MEMO1: variants seen among roughly 807,000 people sequenced by gnomAD.
MEMO1 encodes the protein protein MEMO1.
MEMO1 carries 6 observed loss-of-function variants against 45.2 expected under a neutral mutation model. That is an observed-to-expected ratio of 0.13 (90% CI 0.07 to 0.26). The LOEUF (loss-of-function observed/expected upper bound fraction) is 0.26. Among genes scored for constraint, MEMO1 ranks in the 10% least tolerant of loss-of-function variants. The pLI is 1.00. For synonymous variants in MEMO1, 78 were observed against 124.3 expected, an observed-to-expected ratio of 0.63 and a Z score of 2.48; for missense variants, 184 against 370.5, an observed-to-expected ratio of 0.50 and a Z score of 4.13.
chr2:31,989,452 A>G (rs902177397), intron 2 of MEMO1, among the ~76,000 whole-genome samples: 16 of 152,218 alleles, frequency 1.1e-4, no homozygotes, highest in Non-Finnish European at 2.2e-4. Flanking sequence ...AAATGTGTAA[A>G]CATTTAGAAG....
chr2:31,895,988 C>A (rs1035780665), intron 6 of MEMO1, among the ~76,000 whole-genome samples: 1 of 151,264 alleles, frequency 6.6e-6, no homozygotes, highest in Non-Finnish European at 1.5e-5. Context: ...GGACTACAGG[C>A]GCCCGCCACC....
At chr2:31,907,629 C>CA (rs1403096695) in intron 6 of MEMO1, among the ~76,000 whole-genome samples, 1 of 151,964 alleles carries the variant, frequency 6.6e-6, no homozygotes, top group African/African-American at 2.4e-5. Context: ...ACCCCCTCTA[C>CA]AAAAAATACA....
At chr2:32,003,557 T>C (rs1222163364) in intron 2 of MEMO1, among the ~76,000 whole-genome samples, 1 of 152,220 alleles carries the variant, frequency 6.6e-6, no homozygotes, top group Non-Finnish European at 1.5e-5. Context: ...AAATTTAATG[T>C]AATGTCCTGC....
chr2:31,911,685 A>C (rs1372201114), intron 6 of MEMO1, among the ~76,000 whole-genome samples: 1 of 152,210 alleles, frequency 6.6e-6, no homozygotes, highest in Non-Finnish European at 1.5e-5. Context: ...GAACTCAAAA[A>C]TATCATCAAT....
chr2:31,881,473 T>G, intron 8 of MEMO1, among the ~76,000 whole-genome samples: 1 of 118,498 alleles, frequency 8.4e-6, no homozygotes, highest in Non-Finnish European at 1.6e-5. Context: ...CCAGCCTAGG[T>G]GATAGAGTGA....
intron 4 of MEMO1, 110 bp downstream of exon 4, chr2:31,931,957 C>A: frequency 1.2e-6 from 1 of 852,258 alleles, no homozygotes; most frequent in Non-Finnish European, 1.9e-6. Context: ...AGTCAAATCC[C>A]TCATGAAATT....
intron 2 of MEMO1, among the ~76,000 whole-genome samples, chr2:31,969,581 GT>G: frequency 9.1e-6 from 1 of 109,962 alleles, no homozygotes; most frequent in East Asian, 2.3e-4. Flanking sequence ...GGGGGTGTGT[GT>G]GTGGGTGTGT....
intron 8 of MEMO1, among the ~76,000 whole-genome samples, chr2:31,881,085 C>G (rs1211419596): frequency 6.6e-6 from 1 of 151,782 alleles, no homozygotes; most frequent in East Asian, 1.9e-4. Flanking sequence ...TACCATGGCA[C>G]TTCAAGAAAA....
intron 2 of MEMO1, among the ~76,000 whole-genome samples, chr2:31,998,139 G>A (rs1304312255): frequency 6.6e-6 from 1 of 152,098 alleles, no homozygotes; most frequent in Non-Finnish European, 1.5e-5. Context: ...AGCCTCCACA[G>A]TATATGGGAC....
At chr2:32,002,182 T>TACACACACACACACAC (rs1456569960) in intron 2 of MEMO1, among the ~76,000 whole-genome samples, 13 of 120,286 alleles carry the variant, frequency 1.1e-4, no homozygotes, top group African/African-American at 3.7e-4. Flanking sequence ...TATATATATA[T>TACACACACACACACAC]ATATACACAC....
intron 8 of MEMO1, among the ~76,000 whole-genome samples, chr2:31,878,775 G>T (rs1282131167): frequency 6.7e-6 from 1 of 149,752 alleles, no homozygotes; most frequent in East Asian, 2.0e-4. Flanking sequence ...ATTATTTTCT[G>T]TATGGTTACC....
At position 31,883,420 on chromosome 2, in the gene MEMO1, T is replaced by TC; in HGVS notation, c.622dup (p.Glu208GlyfsTer4). 6.3e-7 allele frequency: 1 copy of TC among 1,588,672 alleles called. No individual in the cohort carries two copies. The highest frequency in any genetic ancestry group is 8.5e-7 in the Non-Finnish European group (1 of 1,169,612). On this transcript the variant is annotated frameshift_variant, in exon 8 of 10. Transcript: ENST00000404530. LOFTEE classifies it high-confidence loss of function. ...TAGATGTTCAATGGATCTATAAATC[T>TC]CCCCCTGGGATTCATCATAGTAACT... is the stretch of plus-strand genomic sequence containing the variant.
At chr2:31,921,226 G>A (rs1412826597) in intron 4 of MEMO1, among the ~76,000 whole-genome samples, 2 of 152,170 alleles carry the variant, frequency 1.3e-5, no homozygotes, top group Middle Eastern at 3.2e-3. Flanking sequence ...TGCCTGCACA[G>A]AGATATGATC....
chr2:31,992,614 T>C lies in MEMO1; in HGVS notation c.61+17573A>G, dbSNP rs1400665078. Among the ~76,000 whole-genome samples the C allele has an allele frequency of 2.6e-5, 4 of 152,230 alleles. No homozygotes were observed. The East Asian group carries it at 7.7e-4, about 29-fold the overall frequency. On this transcript the variant is annotated intron_variant, in intron 2 of 9. Coordinates refer to ENST00000404530, the MANE Select transcript of MEMO1 (RefSeq NM_001301833.4). The stretch of plus-strand genomic sequence containing the variant: ...GCCTGGCCAACATGGCAAAACCCCA[T>C]CTCTACCAAAAATACAAAAACTAGC...
intron 2 of MEMO1, among the ~76,000 whole-genome samples, chr2:31,982,656 A>G (rs533984391): frequency 6.6e-6 from 1 of 151,968 alleles, no homozygotes; most frequent in East Asian, 1.9e-4. Context: ...ACTTTGGGAA[A>G]TGATGCTTTG....
At chr2:31,931,143 T>C (rs1664118340) in intron 4 of MEMO1, among the ~76,000 whole-genome samples, 1 of 152,174 alleles carries the variant, frequency 6.6e-6, no homozygotes, top group Non-Finnish European at 1.5e-5. Context: ...AAAAACTTGC[T>C]AAAAATAATT....
chr2:31,876,221 C>T (rs1674541200), intron 8 of MEMO1, among the ~76,000 whole-genome samples: 1 of 152,164 alleles, frequency 6.6e-6, no homozygotes. Context: ...TTCTAACACA[C>T]CAGCTTCTTT....
intron 2 of MEMO1, among the ~76,000 whole-genome samples, chr2:31,952,662 T>C (rs1043429249): frequency 1.3e-5 from 2 of 152,204 alleles, no homozygotes; most frequent in Non-Finnish European, 2.9e-5. Context: ...TATCTGATTA[T>C]AGCATCTTAT....
intron 6 of MEMO1, among the ~76,000 whole-genome samples, chr2:31,908,446 G>GA (rs202221500): frequency 5.0e-4 from 74 of 147,190 alleles, no homozygotes; most frequent in African/African-American, 7.9e-4. Context: ...ATCCTGACAG[G>GA]AAAAAAAAAA....
Sources: gnomAD v4.1 joint callset for allele counts (sites outside exome capture counted in the v4.1 genomes callset) on GRCh38, gnomAD v4.1.1 for gene constraint, MANE v1.5 for transcripts, NCBI Gene and HGNC (gene_info 2026-07-23, HGNC 2026-07-21) for gene names.